Variants in CELF2 observed in about 807,000 individuals in gnomAD.
The protein encoded by CELF2 is CUGBP Elav-like family member 2.
A neutral mutation model predicts 62.6 loss-of-function variants in CELF2; 8 were observed. The observed-to-expected ratio is 0.13, with a 90% CI of 0.07 to 0.23. The LOEUF (loss-of-function observed/expected upper bound fraction) is 0.23, where lower values mean the gene tolerates loss of function less well. Ranked by LOEUF, CELF2 falls within the 10% of genes least tolerant of loss-of-function variation. CELF2 has a pLI of 1.00. For missense variants in CELF2, 333 were observed against 671.0 expected (o/e 0.50, Z 5.56); for synonymous variants, 258 against 250.0 (o/e 1.03, Z -0.30).
chr10:10,793,897 G>A (rs557532889), upstream of CELF2, among the ~76,000 whole-genome samples: 1 of 152,166 alleles, frequency 6.6e-6, no homozygotes, highest in Non-Finnish European at 1.5e-5. Flanking sequence ...CCATTTAGCA[G>A]AGGGTTGCCA....
chr10:10,590,821 C>A, the CELF2 span, among the ~76,000 whole-genome samples: 1 of 152,162 alleles, frequency 6.6e-6, no homozygotes, highest in Non-Finnish European at 1.5e-5. Context: ...AGGCTCTGGG[C>A]ATTTCTTTTT....
chr10:11,002,626 A>C (rs2054634605), upstream of CELF2, among the ~76,000 whole-genome samples: 1 of 152,122 alleles, frequency 6.6e-6, no homozygotes, highest in African/African-American at 2.4e-5. The surrounding 1 kb of genome is among the most constrained non-coding windows in gnomAD (Gnocchi z 4.4). Context: ...CTACACTTGA[A>C]TTTCTGCAGC....
chr10:11,204,961 A>G (rs932458968), intron 2 of CELF2, among the ~76,000 whole-genome samples: 7 of 152,212 alleles, frequency 4.6e-5, no homozygotes, highest in Admixed American at 4.6e-4. Context: ...TTTATTTCAA[A>G]TAACAAACTG....
chr10:10,672,932 T>A, the CELF2 span, among the ~76,000 whole-genome samples: 1 of 152,166 alleles, frequency 6.6e-6, no homozygotes, highest in African/African-American at 2.4e-5. Context: ...GAATATGGAA[T>A]ATCTCTTCAT....
At chr10:11,202,929 CTCTCTCTCTCTCTCTCTCTCTCTGTGTG>C (rs2059567329) in intron 2 of CELF2, among the ~76,000 whole-genome samples, 1 of 92,154 alleles carries the variant, frequency 1.1e-5, no homozygotes. Context: ...CTCTCTCTCT[CTCTCTCTCTCTCTCTCTCTCTCTGTGTG>C]TGTGTGTGTG....
intron 1 of CELF2, among the ~76,000 whole-genome samples, chr10:10,910,991 A>G (rs1418961901): frequency 3.9e-5 from 6 of 152,232 alleles, no homozygotes; most frequent in African/African-American, 1.4e-4. Flanking sequence ...TGGTAGAATT[A>G]CAGAGCATAT....
At chr10:11,148,281 G>A (rs539332368) in intron 1 of CELF2, among the ~76,000 whole-genome samples, 1 of 152,342 alleles carries the variant, frequency 6.6e-6, no homozygotes, top group South Asian at 2.1e-4. Flanking sequence ...CCTAAGCTGT[G>A]GGCATTGCTC....
At chr10:10,721,920 G>C in the CELF2 span, among the ~76,000 whole-genome samples, 5 of 152,216 alleles carry the variant, frequency 3.3e-5, no homozygotes, top group Non-Finnish European at 7.3e-5. Flanking sequence ...TCTGTAAATT[G>C]AGGGTCATGA....
the CELF2 span, among the ~76,000 whole-genome samples, chr10:10,516,461 T>C: frequency 6.6e-6 from 1 of 152,186 alleles, no homozygotes; most frequent in Non-Finnish European, 1.5e-5. Context: ...ACATTCATCA[T>C]CTTAAAATTC....
the CELF2 span, among the ~76,000 whole-genome samples, chr10:10,715,428 G>A: frequency 6.6e-6 from 1 of 152,174 alleles, no homozygotes; most frequent in Admixed American, 6.5e-5. Flanking sequence ...TCAAGTTGCT[G>A]AATCTTTGTT....
rs948121367 is a variant in CELF2, at chr10:11,145,351, A to G, written c.75-20135A>G. ...CTTCAGATGGGTTTGCAGGAGTGTC[A>G]GGATTCAGGAGCGTCTCTGAAAGGT... On this transcript the variant is annotated intron_variant, in intron 1 of 12. Coordinates refer to ENST00000633077, the MANE Select transcript of CELF2 (RefSeq NM_001326342.2). This position sits in a 1 kb window ranked among gnomAD's most constrained non-coding sequence, Gnocchi z 4.3. Among the ~76,000 whole-genome samples the G allele has an allele frequency of 6.6e-6, 1 of 152,250 alleles. No homozygotes were observed. The highest frequency in any genetic ancestry group is 2.4e-5 in the African/African-American group (1 of 41,470).
the CELF2 span, among the ~76,000 whole-genome samples, chr10:10,526,281 A>G: frequency 6.6e-6 from 1 of 152,336 alleles, no homozygotes; most frequent in South Asian, 2.1e-4. Flanking sequence ...ATGTTCTAAT[A>G]AAAAATTATG....
At position 11,302,530 on chromosome 10, in the gene CELF2, C is replaced by T. The variant is rs1189417458; in HGVS notation, c.977-11609C>T. ...CAGGATTGGGCCCGCCTCCCCCAGACAAGAACTCTGACCAAATGGCCTGCA... is the reference window on the plus strand; with the variant it reads ...CAGGATTGGGCCCGCCTCCCCCAGATAAGAACTCTGACCAAATGGCCTGCA... On this transcript the variant is annotated intron_variant, in intron 9 of 12. Transcript: ENST00000633077. The surrounding 1 kb of genome is among the most constrained non-coding windows in gnomAD (Gnocchi z 5.0). 1.3e-5 allele frequency among the ~76,000 whole-genome samples: 2 copies of T among 152,164 alleles called. No homozygotes were observed. The highest frequency in any genetic ancestry group is 2.4e-5 in the African/African-American group (1 of 41,450).
chr10:10,625,827 G>A, the CELF2 span, among the ~76,000 whole-genome samples: 1 of 152,182 alleles, frequency 6.6e-6, no homozygotes, highest in South Asian at 2.1e-4. Flanking sequence ...CTGAGTGTTT[G>A]GGCCTCTATG....
At chr10:11,206,649 T>G (rs1237951014) in intron 2 of CELF2, among the ~76,000 whole-genome samples, 3 of 152,210 alleles carry the variant, frequency 2.0e-5, no homozygotes, top group African/African-American at 7.2e-5. Flanking sequence ...AACGTCCACT[T>G]TAGGGAAGCC....
At chr10:10,647,334 A>T in the CELF2 span, among the ~76,000 whole-genome samples, 1 of 152,080 alleles carries the variant, frequency 6.6e-6, no homozygotes, top group Non-Finnish European at 1.5e-5. Flanking sequence ...CGCCCGCTCC[A>T]CATGTGGGTA....
At chr10:10,913,879 G>GAAGT (rs1314514903) in intron 1 of CELF2, among the ~76,000 whole-genome samples, 7 of 124,432 alleles carry the variant, frequency 5.6e-5, no homozygotes, top group African/African-American at 2.2e-4. Context: ...AGGAAGGAAG[G>GAAGT]AAGGAAGAAG....
At chr10:10,872,548 A>G (rs139100559) in intron 1 of CELF2, among the ~76,000 whole-genome samples, 31 of 152,316 alleles carry the variant, frequency 2.0e-4, no homozygotes, top group African/African-American at 7.0e-4. Context: ...TTACCATTAA[A>G]AGCTTGGAGA....
intron 1 of CELF2, among the ~76,000 whole-genome samples, chr10:10,818,396 C>T (rs531358598): frequency 5.9e-5 from 9 of 152,206 alleles, no homozygotes; most frequent in Non-Finnish European, 1.0e-4. Flanking sequence ...CATTAGATGA[C>T]GTTCTGCTTC....
Sources: gnomAD v4.1 joint callset for allele counts (sites outside exome capture counted in the v4.1 genomes callset) on GRCh38, gnomAD v4.1.1 for gene constraint, Gnocchi (gnomAD v3.1) non-coding constraint, MANE v1.5 for transcripts, NCBI Gene and HGNC (gene_info 2026-07-23, HGNC 2026-07-21) for gene names.